Variants in ANO3 observed in about 807,000 individuals in gnomAD.
ANO3 encodes anoctamin-3.
A neutral mutation model predicts 144.8 loss-of-function variants in ANO3; 99 were observed. The ratio of observed to expected loss-of-function variants is 0.68; its 90% CI spans 0.58 to 0.81. The LOEUF is 0.81. Among genes scored for constraint, ANO3 ranks in the 30% least tolerant of loss-of-function variants. ANO3 has a pLI of 0.00. For synonymous variants in ANO3, 414 were observed against 392.6 expected (o/e 1.05, Z -0.64); for missense variants, 905 against 1,202.2 (o/e 0.75, Z 3.66).
chr11:26,629,756 C>A (rs1460073598), intron 18 of ANO3, among the ~76,000 whole-genome samples: 1 of 152,048 alleles, frequency 6.6e-6, no homozygotes, highest in Non-Finnish European at 1.5e-5. Flanking sequence ...CTCAGCCTCC[C>A]GAGTAGCTGG....
chr11:26,624,937 T>C (rs1339012652), intron 18 of ANO3, among the ~76,000 whole-genome samples: 7 of 151,484 alleles, frequency 4.6e-5, no homozygotes, highest in South Asian at 4.2e-4. Context: ...TTTTTTTTTT[T>C]CTGAGATGGA....
chr11:26,574,220 T>C (rs2132838598), intron 14 of ANO3, among the ~76,000 whole-genome samples: 1 of 152,274 alleles, frequency 6.6e-6, no homozygotes, highest in Non-Finnish European at 1.5e-5. Context: ...AAGAAAAACC[T>C]CTTCCTAGTC....
intron 1 of ANO3, among the ~76,000 whole-genome samples, chr11:26,407,034 G>GTA (rs1179288112): frequency 1.0e-4 from 13 of 124,624 alleles, no homozygotes; most frequent in East Asian, 4.8e-4. Flanking sequence ...AGGTGTGTGT[G>GTA]TATATATATA....
chr11:26,194,439 GGTGTGTGTGTGTGTGTGTGTGT>G (rs1161631402), intron 1 of ANO3, among the ~76,000 whole-genome samples: 1 of 60,584 alleles, frequency 1.7e-5, no homozygotes, highest in African/African-American at 6.8e-5. Context: ...GGTACATAGT[GGTGTGTGTGTGTGTGTGTGTGT>G]GTGTGTGTGT....
At chr11:26,525,824 T>G in intron 7 of ANO3, 145 bp downstream of exon 7, 1 of 600,732 alleles carries the variant, frequency 1.7e-6, no homozygotes, top group South Asian at 2.4e-5. Flanking sequence ...AAATAACTTA[T>G]GCCAAATCGA....
At chr11:26,511,475 G>A (rs1267794361) in intron 5 of ANO3, among the ~76,000 whole-genome samples, 4 of 152,154 alleles carry the variant, frequency 2.6e-5, no homozygotes, top group African/African-American at 9.7e-5. Flanking sequence ...AACTGAGAGA[G>A]TACTTCAGAG....
intron 1 of ANO3, among the ~76,000 whole-genome samples, chr11:26,347,969 G>A (rs369150476): frequency 1.4e-4 from 21 of 152,260 alleles, no homozygotes; most frequent in African/African-American, 4.8e-4. Context: ...TGCCCATTGG[G>A]TACTCTTTGC....
intron 1 of ANO3, among the ~76,000 whole-genome samples, chr11:26,310,844 C>T (rs1230058008): frequency 2.6e-5 from 4 of 152,162 alleles, no homozygotes; most frequent in Non-Finnish European, 5.9e-5. Context: ...AGTCAGATTT[C>T]GGAGACGGTA....
chr11:26,566,167 A>G (rs937443682), intron 14 of ANO3, among the ~76,000 whole-genome samples: 3 of 151,936 alleles, frequency 2.0e-5, no homozygotes, highest in African/African-American at 7.2e-5. Flanking sequence ...AAGACCATTT[A>G]GCTTGGGAAA....
chr11:26,216,263 T>C (rs1292359518), intron 1 of ANO3, among the ~76,000 whole-genome samples: 1 of 152,024 alleles, frequency 6.6e-6, no homozygotes, highest in East Asian at 1.9e-4. Flanking sequence ...CATTAAAATA[T>C]CATAAGCAAT....
intron 1 of ANO3, among the ~76,000 whole-genome samples, chr11:26,397,577 CATA>C (rs1238785743): frequency 7.9e-5 from 12 of 151,890 alleles, no homozygotes; most frequent in African/African-American, 2.4e-4. Context: ...TTAATTGACA[CATA>C]ATAATTGTAA....
At chr11:26,213,403 C>T (rs1031262615) in intron 1 of ANO3, among the ~76,000 whole-genome samples, 1 of 152,098 alleles carries the variant, frequency 6.6e-6, no homozygotes, top group African/African-American at 2.4e-5. Context: ...CCCAAAATCT[C>T]CTTAAGCTGA....
At chr11:26,366,242 G>T (rs541887209) in intron 1 of ANO3, among the ~76,000 whole-genome samples, 1 of 152,108 alleles carries the variant, frequency 6.6e-6, no homozygotes, top group East Asian at 1.9e-4. Flanking sequence ...AGAACATGCG[G>T]TGTTTGGTTT....
chr11:26,501,863 G>A (rs866616191), intron 4 of ANO3, among the ~76,000 whole-genome samples: 3 of 152,142 alleles, frequency 2.0e-5, no homozygotes, highest in Non-Finnish European at 4.4e-5. Context: ...ATAGGGTGCT[G>A]GAACAGTTGG....
At chr11:26,623,354 A>G (rs1470820901) in intron 17 of ANO3, among the ~76,000 whole-genome samples, 2 of 152,208 alleles carry the variant, frequency 1.3e-5, no homozygotes, top group Non-Finnish European at 2.9e-5. Flanking sequence ...GATAATCTAA[A>G]CAATTTTTTA....
chr11:26,455,594 C>T (rs1320247479), intron 3 of ANO3, among the ~76,000 whole-genome samples: 2 of 152,158 alleles, frequency 1.3e-5, no homozygotes, highest in African/African-American at 2.4e-5. Context: ...AATGGAAGAA[C>T]CTTCCATGCT....
intron 1 of ANO3, among the ~76,000 whole-genome samples, chr11:26,343,961 GT>G (rs1342722492): frequency 6.6e-6 from 1 of 152,140 alleles, no homozygotes; most frequent in Non-Finnish European, 1.5e-5. Context: ...GCTCAATTAA[GT>G]AAAATTCAAA....
At chr11:26,448,553 C>T (rs1858796218) in intron 3 of ANO3, among the ~76,000 whole-genome samples, 1 of 152,140 alleles carries the variant, frequency 6.6e-6, no homozygotes, top group Non-Finnish European at 1.5e-5. Flanking sequence ...CAAAGGAGTA[C>T]ATGGTGATTT....
chr11:26,564,730 C>CAT (rs1850477575), intron 14 of ANO3, among the ~76,000 whole-genome samples: 2 of 24,012 alleles, frequency 8.3e-5, no homozygotes, highest in Non-Finnish European at 1.6e-4. Flanking sequence ...CACACACACA[C>CAT]ACATATATAT....
Sources: gnomAD v4.1 joint callset for allele counts (sites outside exome capture counted in the v4.1 genomes callset) on GRCh38, gnomAD v4.1.1 for gene constraint, MANE v1.5 for transcripts, NCBI Gene and HGNC (gene_info 2026-07-23, HGNC 2026-07-21) for gene names.